The following ZNF827 variants were observed in gnomAD, a reference collection of about 807,000 sequenced individuals.
ZNF827 encodes the protein zinc finger protein 827.
In ZNF827, 13 loss-of-function variants were observed where a neutral mutation model predicts 102.4. That is an observed-to-expected ratio of 0.13 (90% CI 0.08 to 0.20). The LOEUF (loss-of-function observed/expected upper bound fraction) is 0.20, where lower values mean the gene tolerates loss of function less well. Ranked by LOEUF, ZNF827 falls within the 10% of genes least tolerant of loss-of-function variation. ZNF827 has a pLI of 1.00. For missense variants in ZNF827, 1,103 were observed against 1,344.4 expected (o/e 0.82, Z 2.81); for synonymous variants, 523 against 536.2 (o/e 0.98, Z 0.34).
intron 4 of ZNF827, among the ~76,000 whole-genome samples, chr4:145,877,256 G>A (rs1302466749): frequency 6.6e-5 from 10 of 152,156 alleles, no homozygotes; most frequent in Non-Finnish European, 8.8e-5. Flanking sequence ...AAGCCGGTGC[G>A]GTTCTATCCA....
chr4:145,882,091 A>T (rs1232542704), intron 4 of ZNF827, among the ~76,000 whole-genome samples: 1 of 152,222 alleles, frequency 6.6e-6, no homozygotes, highest in Non-Finnish European at 1.5e-5. Context: ...GCTGCTGGCT[A>T]TGGGTGACAA....
At chr4:145,788,068 C>G (rs1214493359) in intron 8 of ZNF827, among the ~76,000 whole-genome samples, 1 of 152,234 alleles carries the variant, frequency 6.6e-6, no homozygotes, top group African/African-American at 2.4e-5. Flanking sequence ...GACAGACCCA[C>G]AGTCTGCCTG....
intron 5 of ZNF827, among the ~76,000 whole-genome samples, chr4:145,868,999 A>G (rs1393428573): frequency 6.6e-6 from 1 of 152,240 alleles, no homozygotes; most frequent in East Asian, 1.9e-4. Context: ...CATCCTTTAT[A>G]AAAATATTCA....
intron 8 of ZNF827, among the ~76,000 whole-genome samples, chr4:145,805,326 T>C (rs771296505): frequency 1.4e-4 from 22 of 152,142 alleles, no homozygotes; most frequent in Non-Finnish European, 3.1e-4. Flanking sequence ...CTTTTTCCCA[T>C]AAGTATTCAG....
At chr4:145,824,400 T>G (rs927121598) in intron 7 of ZNF827, among the ~76,000 whole-genome samples, 3 of 152,208 alleles carry the variant, frequency 2.0e-5, no homozygotes, top group Admixed American at 2.0e-4. Flanking sequence ...AAGCCCTATT[T>G]ATTTACAACA....
intron 3 of ZNF827, 34 bp from the exon 4 acceptor site, chr4:145,886,192 C>T (rs201520305): frequency 7.1e-5 from 110 of 1,545,510 alleles, no homozygotes; most frequent in Non-Finnish European, 8.4e-5. Flanking sequence ...AGCTAGCCAC[C>T]GTGCATTTAT....
chr4:145,800,886 TTGAGAAAGCA>T (rs1419046979), intron 8 of ZNF827, among the ~76,000 whole-genome samples: 1 of 152,182 alleles, frequency 6.6e-6, no homozygotes, highest in Non-Finnish European at 1.5e-5. Context: ...GTTGCAGATT[TTGAGAAAGCA>T]GAGACTGTGA....
At chr4:145,877,039 C>T (rs1027952988) in intron 4 of ZNF827, among the ~76,000 whole-genome samples, 1 of 151,902 alleles carries the variant, frequency 6.6e-6, no homozygotes. Context: ...CACCAAATAG[C>T]AACTTTTTTT....
intron 11 of ZNF827, among the ~76,000 whole-genome samples, chr4:145,768,478 T>C (rs572830988): frequency 6.6e-6 from 1 of 152,188 alleles, no homozygotes; most frequent in South Asian, 2.1e-4. Context: ...AGATGTACAT[T>C]ATAAACCCCA....
intron 11 of ZNF827, among the ~76,000 whole-genome samples, chr4:145,766,849 C>T (rs1735381471): frequency 6.6e-6 from 1 of 152,138 alleles, no homozygotes; most frequent in Admixed American, 6.5e-5. Flanking sequence ...AGAAAGGTCT[C>T]TTAGTAGTGG....
In ZNF827 at chr4:145,765,304, ATC is replaced by A. The variant is rs969127818; in HGVS notation, c.3053-141_3053-140del. Reference sequence around the variant, plus strand: ...TACCCTTCCAGGCACTGTTCCCCATATCTCTGTGCTAAAAGGAGTTAAATGTA... The same window carrying A: ...TACCCTTCCAGGCACTGTTCCCCATATCTGTGCTAAAAGGAGTTAAATGTA... On this transcript the variant is annotated intron_variant, in intron 12 of 14. Coordinates refer to ENST00000508784, the MANE Select transcript of ZNF827 (RefSeq NM_001306215.2). The surrounding 1 kb of genome is among the most constrained non-coding windows in gnomAD (Gnocchi z 4.7). 5 of 1,042,284 alleles carry A rather than the reference ATC, an allele frequency of 4.8e-6. No homozygotes were observed. The African/African-American group carries it at 8.1e-5, about 17-fold the overall frequency. The allele number at this position is 1,042,284 out of a possible 1,614,324, so 64.6% of individuals were successfully genotyped here. A position where few individuals can be genotyped will look rare whatever the true frequency, so the allele number is the denominator to read the frequency against.
chr4:145,933,818 ACCCTTCCTCATCCTTT>A (rs1245766610), intron 1 of ZNF827, among the ~76,000 whole-genome samples: 1 of 151,590 alleles, frequency 6.6e-6, no homozygotes, highest in East Asian at 1.9e-4. Flanking sequence ...ACAAGAGAAC[ACCCTTCCTCATCCTTT>A]CCCTCTTCAG....
At chr4:145,764,759 TC>T in intron 13 of ZNF827, 2 of 574,896 alleles carry the variant, frequency 3.5e-6, no homozygotes, top group Non-Finnish European at 6.2e-6. Context: ...TTGCCCTGAA[TC>T]CCGGGGTATT....
At chr4:145,773,001 T>A (rs1579117303) in intron 11 of ZNF827, among the ~76,000 whole-genome samples, 2 of 152,112 alleles carry the variant, frequency 1.3e-5, no homozygotes, top group Non-Finnish European at 2.9e-5. Flanking sequence ...TCTATGGTGG[T>A]ATGGGTGTGG....
chr4:145,823,529 G>T lies in ZNF827; in HGVS notation c.2280-4C>A. On this transcript the variant is annotated splice_polypyrimidine_tract_variant and splice_region_variant and intron_variant, in intron 7 of 14. Transcript: ENST00000508784. The stretch of plus-strand genomic sequence containing the variant: ...TGTGTCTTCTGAAAAGAAAGGGCTG[G>T]GGTGGGGGAGGGGGAGTGAAGTTTA... 6.3e-7 allele frequency: 1 copy of T among 1,593,418 alleles called. No homozygotes were observed.
rs927025511 is a variant in ZNF827 at position 145,836,356 on chromosome 4, G to T, written c.2279+9600C>A. On this transcript the variant is annotated intron_variant, in intron 7 of 14. Transcript: ENST00000508784. ...TGTAGCCTTTCTGGCCAAACAACTT[G>T]ACCTTACTGTTTTAGCCTAGCCCTC... Among the ~76,000 whole-genome samples the T allele has an allele frequency of 5.3e-5, 8 of 152,238 alleles. No individual in the cohort carries two copies. In the East Asian group the frequency reaches 1.5e-3, roughly 29 times the overall value.
chr4:145,868,413 C>T (rs17020756), intron 5 of ZNF827, among the ~76,000 whole-genome samples: 2,675 of 152,232 alleles, frequency 0.018, 80 homozygotes, highest in African/African-American at 0.06. Context: ...TTTTCATTTC[C>T]ACATCACGAA....
At chr4:145,874,990 G>A (rs893069099) in intron 4 of ZNF827, among the ~76,000 whole-genome samples, 7 of 152,124 alleles carry the variant, frequency 4.6e-5, no homozygotes, top group African/African-American at 1.7e-4. Flanking sequence ...CAAGATAAAG[G>A]CAAATGTGGG....
intron 7 of ZNF827, among the ~76,000 whole-genome samples, chr4:145,829,478 T>C (rs571114434): frequency 6.6e-6 from 1 of 152,326 alleles, no homozygotes; most frequent in East Asian, 1.9e-4. Context: ...AGCCATATAT[T>C]ATGTGACCTA....
Sources: gnomAD v4.1 joint callset for allele counts (sites outside exome capture counted in the v4.1 genomes callset) on GRCh38, gnomAD v4.1.1 for gene constraint, Gnocchi (gnomAD v3.1) non-coding constraint, MANE v1.5 for transcripts, NCBI Gene and HGNC (gene_info 2026-07-23, HGNC 2026-07-21) for gene names.